The following MCC variants were observed in gnomAD, a reference collection of about 807,000 sequenced individuals.
The protein encoded by MCC is MCC regulator of Wnt signaling pathway, also known as colorectal mutant cancer protein.
In MCC, 90 loss-of-function variants were observed where a neutral mutation model predicts 116.2. That is an observed-to-expected ratio of 0.77 (90% CI 0.65 to 0.92). The LOEUF (loss-of-function observed/expected upper bound fraction) is 0.92. Ranked by LOEUF, MCC falls within the 40% of genes least tolerant of loss-of-function variation. The pLI, the probability that MCC is intolerant of heterozygous loss-of-function variation, is 0.00. For synonymous variants in MCC, 578 were observed against 510.5 expected, an observed-to-expected ratio of 1.13 and a Z score of -1.78; for missense variants, 1,516 against 1,312.2, an observed-to-expected ratio of 1.16 and a Z score of -2.40.
chr5:113,122,712 G>T lies in MCC; in HGVS notation c.999C>A (p.Asn333Lys), dbSNP rs1002511533. 40 of 1,614,042 alleles carry T rather than the reference G, an allele frequency of 2.5e-5. No individual in the cohort carries two copies. Among genetic ancestry groups the T allele is most frequent in the Non-Finnish European group, 2.9e-5 (34 of 1,180,032 alleles). ...TGTCAGCAGTAACCATGGTAGACTG[G>T]TTTTCGGGGATAGAGACAGAGGTCT... Reference protein sequence around the residue: ...QDQTSVSIPENQSTMVTADMD... With the variant: ...QDQTSVSIPEKQSTMVTADMD... The change falls in exon 6 of 19, where the codon AAC becomes AAA. Residue 333 changes from asparagine (N) to lysine (K), a missense_variant. Transcript: ENST00000408903.
intron 11 of MCC, among the ~76,000 whole-genome samples, chr5:113,075,861 T>A (rs532543802): frequency 1.9e-4 from 29 of 152,232 alleles, no homozygotes; most frequent in African/African-American, 5.3e-4. Flanking sequence ...AACGTGAAGG[T>A]CTGCAGCTTC....
At chr5:113,258,891 T>C (rs1424594364) in intron 3 of MCC, among the ~76,000 whole-genome samples, 1 of 152,224 alleles carries the variant, frequency 6.6e-6, no homozygotes, top group African/African-American at 2.4e-5. Context: ...GCTAATTAAA[T>C]CTTTTAAAGT....
At chr5:113,334,329 T>C (rs1311875652) in intron 3 of MCC, among the ~76,000 whole-genome samples, 1 of 150,698 alleles carries the variant, frequency 6.6e-6, no homozygotes, top group African/African-American at 2.5e-5. Context: ...CACTTCAGCC[T>C]CCCAAGTAGC....
chr5:113,460,200 G>A (rs1771706676), intron 1 of MCC, among the ~76,000 whole-genome samples: 1 of 152,222 alleles, frequency 6.6e-6, no homozygotes. Context: ...GGGTAGCTTT[G>A]GGGAATATCA....
At chr5:113,223,998 C>G (rs1277183528) in intron 3 of MCC, among the ~76,000 whole-genome samples, 1 of 152,166 alleles carries the variant, frequency 6.6e-6, no homozygotes, top group African/African-American at 2.4e-5. Flanking sequence ...AGCAACACTT[C>G]CTGGGACTCA....
intron 3 of MCC, among the ~76,000 whole-genome samples, chr5:113,256,538 A>AC (rs1465464829): frequency 4.6e-5 from 7 of 152,242 alleles, no homozygotes. Context: ...AAGGTCTAGA[A>AC]GCAAGATAAA....
chr5:113,112,043 G>T (rs928469536), intron 6 of MCC, among the ~76,000 whole-genome samples: 43 of 152,170 alleles, frequency 2.8e-4, no homozygotes, highest in African/African-American at 1.0e-3. Flanking sequence ...CAACAGGTGA[G>T]ATGTTACAAA....
intron 3 of MCC, among the ~76,000 whole-genome samples, chr5:113,162,189 G>A (rs1048623883): frequency 2.0e-5 from 3 of 152,116 alleles, no homozygotes; most frequent in African/African-American, 4.8e-5. Context: ...GTCCCAACTC[G>A]GATCACTTTG....
At chr5:113,463,275 G>T (rs567696822) in intron 1 of MCC, among the ~76,000 whole-genome samples, 1 of 152,228 alleles carries the variant, frequency 6.6e-6, no homozygotes, top group East Asian at 1.9e-4. Context: ...TGTAAGCAGG[G>T]GCAAGGTGAG....
intron 2 of MCC, among the ~76,000 whole-genome samples, chr5:113,365,161 T>A (rs918946641): frequency 1.3e-5 from 2 of 152,226 alleles, no homozygotes; most frequent in Admixed American, 6.5e-5. Context: ...TCCTTCCTTT[T>A]TAAATTCCAG....
At chr5:113,130,744 G>A (rs1286609198) in intron 5 of MCC, among the ~76,000 whole-genome samples, 1 of 152,156 alleles carries the variant, frequency 6.6e-6, no homozygotes, top group Non-Finnish European at 1.5e-5. Flanking sequence ...TCTCTGCACA[G>A]CCGGCTCCCC....
chr5:113,450,976 C>T (rs1771376035), intron 1 of MCC, among the ~76,000 whole-genome samples: 1 of 152,052 alleles, frequency 6.6e-6, no homozygotes, highest in African/African-American at 2.4e-5. Flanking sequence ...TTTTTCACCC[C>T]CATTCTCTCT....
At chr5:113,091,263 G>T (rs1755618108) in intron 8 of MCC, among the ~76,000 whole-genome samples, 1 of 152,184 alleles carries the variant, frequency 6.6e-6, no homozygotes, top group African/African-American at 2.4e-5. Context: ...TTTGGATTTT[G>T]CCAGGCCACC....
chr5:113,470,711 G>A (rs1189908938), intron 1 of MCC, among the ~76,000 whole-genome samples: 1 of 151,782 alleles, frequency 6.6e-6, no homozygotes, highest in Admixed American at 6.6e-5. Flanking sequence ...TGTATTTCCT[G>A]AATTTGAATA....
chr5:113,419,108 G>A (rs530446961), intron 1 of MCC, among the ~76,000 whole-genome samples: 6 of 151,894 alleles, frequency 4.0e-5, no homozygotes, highest in African/African-American at 7.3e-5. Context: ...CCAAGAACAC[G>A]TATCTGCTAA....
intron 15 of MCC, among the ~76,000 whole-genome samples, chr5:113,049,501 G>A (rs1306363321): frequency 6.6e-6 from 1 of 152,242 alleles, no homozygotes; most frequent in Non-Finnish European, 1.5e-5. Flanking sequence ...GTATGGACAA[G>A]GCCATGCACT....
chr5:113,386,827 G>A (rs1402856398), intron 1 of MCC, among the ~76,000 whole-genome samples: 1 of 90,718 alleles, frequency 1.1e-5, no homozygotes, highest in East Asian at 2.4e-4. Context: ...ACATATATTT[G>A]TAAAGTAGAT....
At chr5:113,438,627 G>T (rs927286423) in intron 1 of MCC, among the ~76,000 whole-genome samples, 1 of 152,044 alleles carries the variant, frequency 6.6e-6, no homozygotes, top group African/African-American at 2.4e-5. Flanking sequence ...CCCAAGTTAT[G>T]TACAAAATAA....
intron 13 of MCC, among the ~76,000 whole-genome samples, chr5:113,065,914 G>C (rs1412398349): frequency 6.6e-6 from 1 of 152,186 alleles, no homozygotes; most frequent in Non-Finnish European, 1.5e-5. Flanking sequence ...GAGTGGGCAG[G>C]AAATGGGGTG....
Sources: allele counts gnomAD v4.1 joint callset (sites outside exome capture counted in the v4.1 genomes callset), GRCh38; gene constraint gnomAD v4.1.1; transcripts MANE v1.5; gene names NCBI Gene and HGNC (gene_info 2026-07-23, HGNC 2026-07-21).